STPG2: variants seen among roughly 807,000 people sequenced by gnomAD.
STPG2 encodes sperm-tail PG-rich repeat-containing protein 2.
A neutral mutation model predicts 54.2 loss-of-function variants in STPG2; 56 were observed. The observed-to-expected ratio is 1.03, with a 90% CI of 0.83 to 1.29. The LOEUF is 1.29. STPG2 is among the 50% of genes most tolerant of loss of function. The pLI, the probability that STPG2 is intolerant of heterozygous loss-of-function variation, is 0.00. For missense variants in STPG2, 596 were observed against 544.9 expected, an observed-to-expected ratio of 1.09 and a Z score of -0.93; for synonymous variants, 200 against 181.8, an observed-to-expected ratio of 1.10 and a Z score of -0.81.
intron 9 of STPG2, among the ~76,000 whole-genome samples, chr4:97,728,545 C>T (rs1724690433): frequency 6.6e-6 from 1 of 151,718 alleles, no homozygotes; most frequent in African/African-American, 2.4e-5. Flanking sequence ...CTTGTATGAC[C>T]AGAGTAATTT....
chr4:97,971,164 A>G (rs1375355581), intron 7 of STPG2, among the ~76,000 whole-genome samples: 3 of 152,224 alleles, frequency 2.0e-5, no homozygotes, highest in Non-Finnish European at 4.4e-5. Flanking sequence ...CAGATGCTGG[A>G]GAGGACGTGG....
At chr4:97,737,585 G>A (rs898604756) in intron 9 of STPG2, among the ~76,000 whole-genome samples, 1 of 152,188 alleles carries the variant, frequency 6.6e-6, no homozygotes, top group Non-Finnish European at 1.5e-5. Flanking sequence ...AGGAGCTGAT[G>A]TGATCAACTG....
At chr4:97,982,506 A>C (rs1224334981) in intron 5 of STPG2, among the ~76,000 whole-genome samples, 1 of 152,174 alleles carries the variant, frequency 6.6e-6, no homozygotes, top group African/African-American at 2.4e-5. Flanking sequence ...ACATATCCAC[A>C]GTACAGTTAT....
chr4:97,577,487 G>GA (rs1285867785), intron 10 of STPG2, among the ~76,000 whole-genome samples: 1 of 152,100 alleles, frequency 6.6e-6, no homozygotes, highest in South Asian at 2.1e-4. Context: ...CCTAGAAACA[G>GA]AAAAACAAAT....
At chr4:97,883,325 C>T (rs961891069) in intron 8 of STPG2, among the ~76,000 whole-genome samples, 2 of 151,434 alleles carry the variant, frequency 1.3e-5, no homozygotes, top group African/African-American at 2.4e-5. Context: ...GAGATCAAGG[C>T]TGCAATGAGC....
intron 5 of STPG2, among the ~76,000 whole-genome samples, chr4:98,012,910 A>G (rs1735803809): frequency 6.6e-6 from 1 of 152,202 alleles, no homozygotes; most frequent in African/African-American, 2.4e-5. Flanking sequence ...AGACAATTTG[A>G]CTTTCTCTCT....
At chr4:97,908,255 C>G (rs1431793824) in intron 8 of STPG2, among the ~76,000 whole-genome samples, 1 of 152,044 alleles carries the variant, frequency 6.6e-6, no homozygotes, top group Non-Finnish European at 1.5e-5. Context: ...CCAAAAAACA[C>G]ATGAAAAAAT....
chr4:97,910,131 A>T (rs1485369555), intron 8 of STPG2, among the ~76,000 whole-genome samples: 1 of 152,164 alleles, frequency 6.6e-6, no homozygotes, highest in African/African-American at 2.4e-5. Context: ...AGAGATTGTT[A>T]TGCAGAGTCC....
At chr4:97,460,696 C>T (rs920534123) in intron 4 of STPG2, among the ~76,000 whole-genome samples, 1 of 152,256 alleles carries the variant, frequency 6.6e-6, no homozygotes, top group Admixed American at 6.5e-5. Flanking sequence ...GTAAGCAGCA[C>T]CCAATCAAAA....
chr4:97,873,652 A>C (rs2149157544), intron 8 of STPG2, among the ~76,000 whole-genome samples: 1 of 151,682 alleles, frequency 6.6e-6, no homozygotes, highest in East Asian at 1.9e-4. Flanking sequence ...ACTACTCAAA[A>C]GTATCCTAGT....
chr4:97,940,818 A>G (rs886638185), intron 8 of STPG2, among the ~76,000 whole-genome samples: 1 of 152,132 alleles, frequency 6.6e-6, no homozygotes, highest in Non-Finnish European at 1.5e-5. Flanking sequence ...TATGTCATCA[A>G]ACTCCTGCCT....
chr4:97,738,440 A>C (rs994566144), intron 9 of STPG2, among the ~76,000 whole-genome samples: 12 of 152,144 alleles, frequency 7.9e-5, no homozygotes, highest in East Asian at 1.9e-4. Context: ...AGTCAAGACC[A>C]ATCAGAGTGC....
At chr4:97,865,222 CAA>C in intron 8 of STPG2, among the ~76,000 whole-genome samples, 1 of 152,038 alleles carries the variant, frequency 6.6e-6, no homozygotes, top group East Asian at 1.9e-4. Context: ...CCAGAATCTA[CAA>C]AGAACTCAAA....
intron 5 of STPG2, among the ~76,000 whole-genome samples, chr4:98,034,676 T>C (rs755491249): frequency 1.8e-4 from 28 of 152,314 alleles, no homozygotes; most frequent in Admixed American, 5.2e-4. Flanking sequence ...GCTGGAGGCA[T>C]CACGCTACCT....
At position 98,143,170 on chromosome 4, in the gene STPG2, G is replaced by C; in HGVS notation, c.-20C>G. ...ATACATAGTGCTCGGGGTGGTGGGG[G>C]CGCTGGGGAAGGGCAGGTGCCGAAA... On this transcript the variant is annotated 5_prime_UTR_variant, in exon 1 of 11. Coordinates refer to ENST00000295268, the MANE Select transcript of STPG2 (RefSeq NM_174952.3). 1 of 1,599,614 alleles carries C rather than the reference G, an allele frequency of 6.3e-7. No individual in the cohort carries two copies. Among genetic ancestry groups the C allele is most frequent in the Admixed American group, 1.7e-5 (1 of 59,422 alleles).
intron 9 of STPG2, among the ~76,000 whole-genome samples, chr4:97,839,930 G>C (rs1728745643): frequency 1.3e-5 from 2 of 151,364 alleles, no homozygotes; most frequent in African/African-American, 4.8e-5. Flanking sequence ...TGGTTGTTTA[G>C]TGGGAATACA....
At position 97,533,988 on chromosome 4, in the gene STPG2, T is replaced by C. The variant is rs559224611; in HGVS notation, c.462+178711A>G. The stretch of plus-strand genomic sequence containing the variant: ...TATTAAGTAGAAACTGCAAAAATCA[T>C]TTTCCAAAGAGGTTGAACTATTTTA... On this transcript the variant is annotated intron_variant, in intron 4 of 4. Coordinates refer to the STPG2 transcript ENST00000522676. Among the ~76,000 whole-genome samples the C allele has an allele frequency of 5.3e-5, 8 of 152,246 alleles. No homozygotes were observed. In the South Asian group the frequency reaches 1.7e-3, roughly 32 times the overall value.
Position 97,840,902 on chromosome 4 carries a change from G to T in STPG2, c.1075C>A (p.His359Asn), listed in dbSNP as rs1317009247. 1 of 1,611,392 alleles carries T rather than the reference G, an allele frequency of 6.2e-7. No homozygotes were observed. ...VIPAPGSYDV[H>N]KSYEMSQVKH... ...ACTTGGGACATCTCATATGATTTGT[G>T]AACATCATAGCTGCCTGGCGCTGGA... Residue 359 changes from histidine (H) to asparagine (N), a missense_variant, in exon 9 of 11, where the codon CAC (histidine) becomes AAC (asparagine). His to Asn is a moderately conservative substitution (Grantham distance 68, BLOSUM62 1). Transcript: ENST00000295268.
chr4:98,118,996 G>A (rs930108331), intron 3 of STPG2, among the ~76,000 whole-genome samples: 2 of 151,954 alleles, frequency 1.3e-5, no homozygotes, highest in East Asian at 1.9e-4. Context: ...AACAAATAAA[G>A]GTTAAAAAAT....
Sources: allele counts gnomAD v4.1 joint callset (sites outside exome capture counted in the v4.1 genomes callset), GRCh38; gene constraint gnomAD v4.1.1; transcripts MANE v1.5; gene names NCBI Gene and HGNC (gene_info 2026-07-23, HGNC 2026-07-21).